Variants in ESS2 observed in about 807,000 individuals in gnomAD.
ESS2 encodes ess-2 spliceosome associated protein.
A neutral mutation model predicts 52.0 loss-of-function variants in ESS2; 31 were observed. That is an observed-to-expected ratio of 0.60 (90% CI 0.45 to 0.81). The LOEUF is 0.81. Among genes scored for constraint, ESS2 ranks in the 30% least tolerant of loss-of-function variants. The pLI is 0.00. For missense variants in ESS2, 602 were observed against 637.2 expected, an observed-to-expected ratio of 0.94 and a Z score of 0.59; for synonymous variants, 285 against 259.2, an observed-to-expected ratio of 1.10 and a Z score of -0.95.
At chr22:19,141,232 G>A (rs1024520452) in intron 3 of ESS2, among the ~76,000 whole-genome samples, 5 of 152,090 alleles carry the variant, frequency 3.3e-5, no homozygotes, top group African/African-American at 7.2e-5. Flanking sequence ...GTTAATGGCC[G>A]AAAAAGCTGG....
At chr22:19,137,773 C>T (rs2083609178) in intron 7 of ESS2, 3 of 985,304 alleles carry the variant, frequency 3.0e-6, no homozygotes, top group South Asian at 4.7e-5. Context: ...CCTTCACATG[C>T]CCTGGCGTGT....
chr22:19,139,367 G>C (rs1047623233), intron 5 of ESS2, 75 bp from the exon 6 acceptor site: 16 of 1,493,406 alleles, frequency 1.1e-5, no homozygotes, highest in Admixed American at 9.0e-5. Flanking sequence ...CTCGCTTCTC[G>C]GCCAAGTCAC....
At position 19,132,575 on chromosome 22, in the gene ESS2, A is replaced by C. The variant is rs2083521576; in HGVS notation, c.*1621T>G. 15 of 1,229,656 alleles carry C rather than the reference A, an allele frequency of 1.2e-5. No homozygotes were observed. Among genetic ancestry groups the C allele is most frequent in the Middle Eastern group, 4.0e-4 (2 of 5,012 alleles). The allele number at this position is 1,229,656 out of a possible 1,614,324, so 76.2% of individuals were successfully genotyped here. Reference sequence around the variant, plus strand: ...TAAGTAGGCAGGTAGGATCTGAAGAAGGCACAGGTGCAAGTAAAATTCGTC... The same window carrying C: ...TAAGTAGGCAGGTAGGATCTGAAGACGGCACAGGTGCAAGTAAAATTCGTC... On this transcript the variant is annotated 3_prime_UTR_variant, in exon 10 of 10. Transcript: ENST00000252137. This position sits in a 1 kb window ranked among gnomAD's most constrained non-coding sequence, Gnocchi z 4.2.
chr22:19,132,598 G>A lies in ESS2; in HGVS notation c.*1598C>T, dbSNP rs748542953. The A allele has an allele frequency of 2.1e-5, 21 of 1,007,498 alleles. No homozygotes were observed. Among genetic ancestry groups the A allele is most frequent in the Non-Finnish European group, 2.8e-5 (19 of 672,652 alleles). The allele number at this position is 1,007,498 out of a possible 1,614,324, so 62.4% of individuals were successfully genotyped here. Reference sequence around the variant, plus strand: ...GAAGGCACAGGTGCAAGTAAAATTCGTCAATTAAACCACTATTTTGATTAC... The same window carrying A: ...GAAGGCACAGGTGCAAGTAAAATTCATCAATTAAACCACTATTTTGATTAC... On this transcript the variant is annotated 3_prime_UTR_variant, in exon 10 of 10. Transcript: ENST00000252137. The surrounding 1 kb of genome is among the most constrained non-coding windows in gnomAD (Gnocchi z 4.2).
chr22:19,139,370 C>T (rs2083643238), intron 5 of ESS2, 78 bp from the exon 6 acceptor site: 4 of 1,493,614 alleles, frequency 2.7e-6, no homozygotes, highest in African/African-American at 1.4e-5. Flanking sequence ...GCTTCTCGGC[C>T]AAGTCACTCC....
Position 19,132,304 on chromosome 22 carries a change from A to G in ESS2, c.*1892T>C. ...CGCGCTGAGTGCAAACTGGACACCA[A>G]GACAGGCTTGAGGCCCGACCACCGG... is the stretch of plus-strand genomic sequence containing the variant. On this transcript the variant is annotated 3_prime_UTR_variant, in exon 10 of 10. Transcript: ENST00000252137. The surrounding 1 kb of genome is among the most constrained non-coding windows in gnomAD (Gnocchi z 4.2). The G allele has an allele frequency of 6.2e-7, 1 of 1,613,286 alleles. No individual in the cohort carries two copies. The highest frequency in any genetic ancestry group is 1.1e-5 in the South Asian group (1 of 91,062).
intron 7 of ESS2, chr22:19,137,971 C>A (rs1427458726): frequency 5.1e-6 from 5 of 985,306 alleles, no homozygotes; most frequent in Non-Finnish European, 6.0e-6. Context: ...AGGACCAGGA[C>A]AGGACACGTC....
intron 9 of ESS2, among the ~76,000 whole-genome samples, 155 bp from the exon 10 acceptor site, chr22:19,134,630 G>A (rs73390706): frequency 2.0e-3 from 299 of 152,216 alleles, no homozygotes; most frequent in African/African-American, 6.9e-3. Flanking sequence ...AAATGCGGGG[G>A]ATCCCTGAGG....
At chr22:19,137,966 C>T in intron 7 of ESS2, 1 of 985,412 alleles carries the variant, frequency 1.0e-6, no homozygotes, top group Non-Finnish European at 1.2e-6. Context: ...CAGTAAGGAC[C>T]AGGACAGGAC....
Position 19,131,735 on chromosome 22 carries a change from G to A in ESS2, c.*2461C>T. On this transcript the variant is annotated 3_prime_UTR_variant, in exon 10 of 10. Transcript: ENST00000252137. This position sits in a 1 kb window ranked among gnomAD's most constrained non-coding sequence, Gnocchi z 5.7. ...GCCAGGGAGCCCTGCATGAGGACGT[G>A]GCACGCAAGATGTTCCGACAGCTCT... The A allele has an allele frequency of 1.2e-6, 2 of 1,614,102 alleles. No individual in the cohort carries two copies. The highest frequency in any genetic ancestry group is 8.5e-7 in the Non-Finnish European group (1 of 1,179,988).
Position 19,130,482 on chromosome 22 carries a change from C to A in ESS2, c.*3714G>T. 3.1e-6 allele frequency: 1 copy of A among 319,658 alleles called. No homozygotes were observed. The highest frequency in any genetic ancestry group is 9.0e-5 in the East Asian group (1 of 11,146). 19.8% of individuals were successfully genotyped at this position (319,658 alleles called of 1,614,324 possible). ...AGGTCAGAGGCAAAAAAAATGCTTG[C>A]TAAGTCCGATTAAAAGGGGCCCAGT... On this transcript the variant is annotated 3_prime_UTR_variant, in exon 10 of 10. Coordinates refer to ENST00000252137, the MANE Select transcript of ESS2 (RefSeq NM_022719.3).
At position 19,137,628 on chromosome 22, in the gene ESS2, G is replaced by A. The variant is rs529089145; in HGVS notation, c.926-196C>T. On this transcript the variant is annotated intron_variant, in intron 7 of 9. Transcript: ENST00000252137. The stretch of plus-strand genomic sequence containing the variant: ...GAAATGCCAAGCTCCCAGCAGGCCC[G>A]AGGCAGGCTCAAGGCCCTACAGCCA... The A allele has an allele frequency of 5.8e-4, 409 of 710,932 alleles. 1 individual carries two copies. Among genetic ancestry groups the A allele is most frequent in the Middle Eastern group, 2.2e-3 (3 of 1,392 alleles). 44.0% of individuals were successfully genotyped at this position (710,932 alleles called of 1,614,324 possible).
chr22:19,134,590 TGAG>T, intron 9 of ESS2, 115 bp from the exon 10 acceptor site: 1 of 1,156,702 alleles, frequency 8.6e-7, no homozygotes, highest in Non-Finnish European at 1.2e-6. Context: ...CACTCTGAGC[TGAG>T]GAGGATGGTA....
rs773470708 is a variant in ESS2, at chr22:19,132,001, G to T, written c.*2195C>A. On this transcript the variant is annotated 3_prime_UTR_variant, in exon 10 of 10. Coordinates refer to ENST00000252137, the MANE Select transcript of ESS2 (RefSeq NM_022719.3). The surrounding 1 kb of genome is among the most constrained non-coding windows in gnomAD (Gnocchi z 4.2). Reference sequence around the variant, plus strand: ...CAGCCCAAGGTGTATGACATCTGGAGCCTGGGCGTGATCCTGTACATCATG... The same window carrying T: ...CAGCCCAAGGTGTATGACATCTGGATCCTGGGCGTGATCCTGTACATCATG... 2 of 1,614,034 alleles carry T rather than the reference G, an allele frequency of 1.2e-6. No homozygotes were observed. The highest frequency in any genetic ancestry group is 1.7e-6 in the Non-Finnish European group (2 of 1,180,036).
chr22:19,137,275 G>A, intron 8 of ESS2, 48 bp downstream of exon 8: 1 of 1,403,484 alleles, frequency 7.1e-7, no homozygotes, highest in Non-Finnish European at 9.9e-7. Context: ...CAGGGCTCCA[G>A]AGGTGTCCAC....
Position 19,134,335 on chromosome 22 carries a change from G to A in ESS2, c.1292C>T (p.Pro431Leu), listed in dbSNP as rs756678975. The A allele has an allele frequency of 1.4e-5, 23 of 1,611,408 alleles. No individual in the cohort carries two copies. Among genetic ancestry groups the A allele is most frequent in the Non-Finnish European group, 1.9e-5 (22 of 1,178,854 alleles). ...TGTGGGGGTCTGCAGCCCACTGGCCGGGGTCTTGAGGTGGGTGGAGCGTGC... is the reference window on the plus strand; with the variant it reads ...TGTGGGGGTCTGCAGCCCACTGGCCAGGGTCTTGAGGTGGGTGGAGCGTGC... ...SPARSTHLKT[P>L]ASGLQTPTST... Residue 431 changes from proline (P) to leucine (L), a missense_variant, in exon 10 of 10, where the codon CCG becomes CTG. Coordinates refer to ENST00000252137, the MANE Select transcript of ESS2 (RefSeq NM_022719.3).
Position 19,137,553 on chromosome 22 carries a change from C to G in ESS2, c.926-121G>C, listed in dbSNP as rs2083605562. 8.5e-6 allele frequency: 8 copies of G among 939,230 alleles called. No homozygotes were observed. In the South Asian group the frequency reaches 1.4e-4, roughly 16 times the overall value. 58.2% of individuals were successfully genotyped at this position (939,230 alleles called of 1,614,324 possible). A position where few individuals can be genotyped will look rare whatever the true frequency, so the allele number is the denominator to read the frequency against. ...AATACGAAGGCAGGCAGCTAGCCCTCTCTCCTTCCCCAGGACTCTGGAACC... is the reference window on the plus strand; with the variant it reads ...AATACGAAGGCAGGCAGCTAGCCCTGTCTCCTTCCCCAGGACTCTGGAACC... On this transcript the variant is annotated intron_variant, in intron 7 of 9. Coordinates refer to ENST00000252137, the MANE Select transcript of ESS2 (RefSeq NM_022719.3).
chr22:19,138,126 G>C, intron 7 of ESS2, 89 bp downstream of exon 7: 1 of 1,587,368 alleles, frequency 6.3e-7, no homozygotes, highest in Non-Finnish European at 8.6e-7. Flanking sequence ...GCCAGGTAGA[G>C]GCCAGGAGTG....
At chr22:19,141,475 C>G (rs1244779297) in intron 3 of ESS2, among the ~76,000 whole-genome samples, 1 of 152,186 alleles carries the variant, frequency 6.6e-6, no homozygotes, top group African/African-American at 2.4e-5. Context: ...ACCGACTCCC[C>G]CATCAAGTCA....
Sources: gnomAD v4.1 joint callset for allele counts (sites outside exome capture counted in the v4.1 genomes callset) on GRCh38, gnomAD v4.1.1 for gene constraint, Gnocchi (gnomAD v3.1) non-coding constraint, MANE v1.5 for transcripts, NCBI Gene and HGNC (gene_info 2026-07-23, HGNC 2026-07-21) for gene names.